The following SDK1 variants were observed in gnomAD, a reference collection of about 807,000 sequenced individuals.
The protein encoded by SDK1 is protein sidekick-1.
Under a neutral mutation model 245.5 loss-of-function variants are expected in SDK1, and 157 were observed. The observed-to-expected ratio is 0.64, with a 90% confidence interval of 0.56 to 0.73. SDK1 has a LOEUF of 0.73. Ranked by LOEUF, SDK1 falls within the 30% of genes least tolerant of loss-of-function variation. SDK1 has a pLI of 0.00. For missense variants in SDK1, 3,583 were observed against 3,002.3 expected (o/e 1.19, Z -4.52); for synonymous variants, 1,647 against 1,278.5 (o/e 1.29, Z -6.15).
intron 4 of SDK1, among the ~76,000 whole-genome samples, chr7:3,731,364 G>A (rs905030746): frequency 3.9e-5 from 6 of 152,316 alleles, no homozygotes; most frequent in Admixed American, 1.3e-4. Flanking sequence ...CGAGCCCCGG[G>A]ACCGTGCCCC....
At chr7:3,624,765 G>A (rs377625371) in intron 2 of SDK1, among the ~76,000 whole-genome samples, 5 of 152,092 alleles carry the variant, frequency 3.3e-5, no homozygotes, top group African/African-American at 1.2e-4. Flanking sequence ...TATGATCAAG[G>A]CCAGGCATGG....
intron 4 of SDK1, among the ~76,000 whole-genome samples, chr7:3,781,692 CAAAG>C (rs1352969224): frequency 1.3e-5 from 2 of 151,486 alleles, no homozygotes; most frequent in African/African-American, 2.4e-5. Flanking sequence ...AAACAGTACA[CAAAG>C]AAAGCAAGAA....
intron 1 of SDK1, among the ~76,000 whole-genome samples, chr7:3,542,964 C>T (rs1779099821): frequency 1.3e-5 from 2 of 152,230 alleles, no homozygotes; most frequent in Non-Finnish European, 2.9e-5. Flanking sequence ...CCTCTGTTGT[C>T]TCATTCCCTG....
chr7:3,782,400 G>T (rs756296758), intron 4 of SDK1, among the ~76,000 whole-genome samples: 2 of 152,134 alleles, frequency 1.3e-5, no homozygotes, highest in South Asian at 2.1e-4. Flanking sequence ...CTCCAAGAAC[G>T]TGGATCACAG....
chr7:3,975,059 C>T (rs1782806590), intron 13 of SDK1, among the ~76,000 whole-genome samples: 1 of 152,094 alleles, frequency 6.6e-6, no homozygotes, highest in Non-Finnish European at 1.5e-5. Flanking sequence ...AAGCAACTGC[C>T]CGTTACTTCC....
At chr7:3,302,606 C>G (rs956986540) in intron 1 of SDK1, among the ~76,000 whole-genome samples, 1 of 151,800 alleles carries the variant, frequency 6.6e-6, no homozygotes, top group African/African-American at 2.4e-5. Flanking sequence ...ATCTGGGCTT[C>G]CCTCCACCCC....
At chr7:4,227,415 C>T (rs17134638) in intron 40 of SDK1, 10,385 of 470,838 alleles carry the variant, frequency 0.022, 312 homozygotes, top group South Asian at 0.067. Context: ...AATGAGGATC[C>T]GATGGAAGGT....
At chr7:4,079,833 T>G (rs758544855) in intron 22 of SDK1, among the ~76,000 whole-genome samples, 1 of 152,200 alleles carries the variant, frequency 6.6e-6, no homozygotes, top group Non-Finnish European at 1.5e-5. Context: ...AAAGTTGTGA[T>G]TCAAAATAGG....
chr7:3,866,732 G>A (rs1164954201), intron 5 of SDK1, among the ~76,000 whole-genome samples: 1 of 152,178 alleles, frequency 6.6e-6, no homozygotes, highest in Non-Finnish European at 1.5e-5. Flanking sequence ...GGTTAGAGTG[G>A]GGAAGTGTAC....
In SDK1 at chr7:3,454,759, C is replaced by G. The variant is rs1780622677; in HGVS notation, c.298+152875C>G. Among the ~76,000 whole-genome samples, 5 of 152,112 alleles carry G rather than the reference C, an allele frequency of 3.3e-5. No individual in the cohort carries two copies. The South Asian group carries it at 1.0e-3, about 32-fold the overall frequency. On this transcript the variant is annotated intron_variant, in intron 1 of 44. Coordinates refer to ENST00000404826, the MANE Select transcript of SDK1 (RefSeq NM_152744.4). ...TGACTCTTAGCCCTTTGGAGGACAT[C>G]TAGGTTACTTTCAGTTGTTGAGCTG...
chr7:3,668,419 C>G (rs1344172043), intron 4 of SDK1, among the ~76,000 whole-genome samples: 1 of 152,176 alleles, frequency 6.6e-6, no homozygotes, highest in African/African-American at 2.4e-5. Context: ...CATGGACTTC[C>G]TTCAAAGATT....
rs140890143 is a variant in SDK1 at position 4,245,783 on chromosome 7, C to T, written c.6359C>T (p.Ser2120Leu). The T allele has an allele frequency of 3.2e-5, 51 of 1,613,880 alleles. No homozygotes were observed. Among genetic ancestry groups the T allele is most frequent in the South Asian group, 2.1e-4 (19 of 91,032 alleles). ...LTESVSLKEK[S>L]ADASESEATD... Reference sequence around the variant, plus strand: ...GAGAGCGTGAGCCTCAAGGAGAAGTCGGCAGATGCATCAGAATCTGAGGTC... The same window carrying T: ...GAGAGCGTGAGCCTCAAGGAGAAGTTGGCAGATGCATCAGAATCTGAGGTC... The change falls in exon 44 of 45, where the codon TCG becomes TTG. Residue 2120 changes from serine to leucine, a missense_variant. Coordinates refer to ENST00000404826, the MANE Select transcript of SDK1 (RefSeq NM_152744.4).
At chr7:3,784,018 C>G (rs1017837195) in intron 4 of SDK1, among the ~76,000 whole-genome samples, 27 of 151,916 alleles carry the variant, frequency 1.8e-4, no homozygotes, top group African/African-American at 6.3e-4. Flanking sequence ...ATGAAACAGA[C>G]TAGAGACCCC....
chr7:3,819,758 A>G (rs1040565814), intron 4 of SDK1, among the ~76,000 whole-genome samples: 6 of 152,158 alleles, frequency 3.9e-5, no homozygotes, highest in African/African-American at 1.4e-4. Flanking sequence ...AAACAGTAAT[A>G]TATCCTATGG....
At chr7:3,743,573 G>T (rs1044215497) in intron 4 of SDK1, among the ~76,000 whole-genome samples, 1 of 151,996 alleles carries the variant, frequency 6.6e-6, no homozygotes, top group African/African-American at 2.4e-5. Context: ...GGGTGTGCCG[G>T]GATACAGAAT....
At chr7:4,098,248 C>G (rs1050308336) in intron 22 of SDK1, among the ~76,000 whole-genome samples, 1 of 152,186 alleles carries the variant, frequency 6.6e-6, no homozygotes, top group Non-Finnish European at 1.5e-5. Context: ...CGTGACAACT[C>G]AAGTGGGACC....
chr7:3,969,101 C>G (rs1398272202), intron 10 of SDK1, among the ~76,000 whole-genome samples, 156 bp from the exon 11 acceptor site: 2 of 152,232 alleles, frequency 1.3e-5, no homozygotes, highest in Non-Finnish European at 2.9e-5. Flanking sequence ...CACCTCCCAC[C>G]AGATTCCTCC....
intron 5 of SDK1, among the ~76,000 whole-genome samples, chr7:3,865,033 C>A (rs937903441): frequency 3.3e-5 from 5 of 152,304 alleles, no homozygotes; most frequent in African/African-American, 1.2e-4. Context: ...TTTCTTCAGT[C>A]TCCTACCACT....
At chr7:3,559,693 T>C (rs142128300) in intron 1 of SDK1, among the ~76,000 whole-genome samples, 60 of 149,042 alleles carry the variant, frequency 4.0e-4, no homozygotes, top group African/African-American at 1.4e-3. Flanking sequence ...AGTTTTTAAA[T>C]CATAAATATT....
Sources: gnomAD v4.1 joint callset for allele counts (sites outside exome capture counted in the v4.1 genomes callset) on GRCh38, gnomAD v4.1.1 for gene constraint, MANE v1.5 for transcripts, NCBI Gene and HGNC (gene_info 2026-07-23, HGNC 2026-07-21) for gene names.